Variants in ZSWIM5 observed in about 807,000 individuals in gnomAD.
The protein encoded by ZSWIM5 is zinc finger SWIM-type containing 5.
A neutral mutation model predicts 119.6 loss-of-function variants in ZSWIM5; 55 were observed. That is an observed-to-expected ratio of 0.46 (90% confidence interval 0.37 to 0.58). The LOEUF (loss-of-function observed/expected upper bound fraction) is 0.58. Among genes scored for constraint, ZSWIM5 ranks in the 20% least tolerant of loss-of-function variants. The pLI is 0.00. For missense variants in ZSWIM5, 1,193 were observed against 1,512.8 expected (o/e 0.79, Z 3.51); for synonymous variants, 537 against 606.9 (o/e 0.88, Z 1.69).
chr1:45,119,248 C>T (rs924279016), intron 1 of ZSWIM5, among the ~76,000 whole-genome samples: 1 of 152,082 alleles, frequency 6.6e-6, no homozygotes, highest in Non-Finnish European at 1.5e-5. Context: ...TCCTGCTTAC[C>T]TCACTCTAGT....
At position 45,019,057 on chromosome 1, in the gene ZSWIM5, C is replaced by G. The variant is rs1471466404; in HGVS notation, c.2955G>C (p.Gln985His). The change falls in exon 14 of 14, where the codon CAG becomes CAC. Residue 985 changes from glutamine (Q) to histidine (H), a missense_variant. By Grantham distance (24) the Gln-to-His change is conservative (BLOSUM62 0). Around this residue, in one of 2 missense-constraint regions of ZSWIM5, gnomAD observed 961 missense variants for 1,290.0 expected, o/e 0.74. Transcript: ENST00000359600. The surrounding 1 kb of genome is among the most constrained non-coding windows in gnomAD (Gnocchi z 5.0). ...CACCAGCAGCAGCATCAATGGCAAT[C>G]TGGTAGGCTGCCTCAAAGGCAATGT... ...KDHIAFEAAY[Q>H]IAIDAAAGGM... is the part of the protein sequence containing the mutation. The G allele has an allele frequency of 6.2e-7, 1 of 1,614,098 alleles. No individual in the cohort carries two copies. Among genetic ancestry groups the G allele is most frequent in the Non-Finnish European group, 8.5e-7 (1 of 1,180,052 alleles).
chr1:45,116,312 T>G (rs534197391), intron 1 of ZSWIM5, among the ~76,000 whole-genome samples: 9 of 152,252 alleles, frequency 5.9e-5, no homozygotes, highest in Non-Finnish European at 1.0e-4. Context: ...ATATAGGAGA[T>G]TTTAATCAGC....
intron 1 of ZSWIM5, among the ~76,000 whole-genome samples, chr1:45,135,298 T>C (rs1502340): frequency 0.072 from 11,016 of 152,184 alleles, 494 homozygotes; most frequent in Non-Finnish European, 0.1. Flanking sequence ...TAGTGTTTAA[T>C]GGGTATGGAG....
intron 5 of ZSWIM5, among the ~76,000 whole-genome samples, chr1:45,048,695 G>A (rs895923343): frequency 7.2e-5 from 11 of 152,122 alleles, no homozygotes; most frequent in African/African-American, 2.4e-4. Flanking sequence ...GTAATGTCAA[G>A]GTTTAGGGTA....
intron 1 of ZSWIM5, among the ~76,000 whole-genome samples, chr1:45,115,923 G>A (rs1169902892): frequency 6.6e-6 from 1 of 152,228 alleles, no homozygotes. Context: ...GGAGGTTGTA[G>A]CGAGCCGAGA....
At chr1:45,114,520 G>T (rs987772841) in intron 1 of ZSWIM5, among the ~76,000 whole-genome samples, 2 of 152,006 alleles carry the variant, frequency 1.3e-5, no homozygotes, top group African/African-American at 4.8e-5. Flanking sequence ...GGGTAAATTC[G>T]CTATTTTAGT....
At chr1:45,115,850 T>C (rs1179069098) in intron 1 of ZSWIM5, among the ~76,000 whole-genome samples, 1 of 151,002 alleles carries the variant, frequency 6.6e-6, no homozygotes, top group African/African-American at 2.4e-5. Context: ...CCAGACGGGG[T>C]GGCGGCCGGG....
intron 1 of ZSWIM5, among the ~76,000 whole-genome samples, chr1:45,152,608 G>C (rs1645804018): frequency 6.6e-6 from 1 of 151,896 alleles, no homozygotes; most frequent in Admixed American, 6.6e-5. Flanking sequence ...AACTCAAGAT[G>C]GATTAAAGAT....
At chr1:45,027,443 G>A (rs1018156158) in intron 11 of ZSWIM5, among the ~76,000 whole-genome samples, 3 of 151,904 alleles carry the variant, frequency 2.0e-5, no homozygotes, top group Admixed American at 6.6e-5. Flanking sequence ...TGTCGCCTAA[G>A]CTGGAGTGCA....
intron 4 of ZSWIM5, among the ~76,000 whole-genome samples, chr1:45,053,577 C>A (rs1645102840): frequency 6.6e-6 from 1 of 151,874 alleles, no homozygotes; most frequent in Non-Finnish European, 1.5e-5. Flanking sequence ...GCCTGGCCAA[C>A]ATGGTGAAAC....
chr1:45,123,289 T>C (rs1037352275), intron 1 of ZSWIM5, among the ~76,000 whole-genome samples: 2 of 151,708 alleles, frequency 1.3e-5, no homozygotes, highest in African/African-American at 4.8e-5. Context: ...AACACCAAAG[T>C]GACAGGGATA....
At chr1:45,074,159 A>G (rs1645242139) in intron 2 of ZSWIM5, among the ~76,000 whole-genome samples, 1 of 151,916 alleles carries the variant, frequency 6.6e-6, no homozygotes. Flanking sequence ...GATTTTTTGC[A>G]TGAATATTCA....
Position 45,206,529 on chromosome 1 carries a change from C to G in ZSWIM5, c.-179G>C. On this transcript the variant is annotated 5_prime_UTR_variant, in exon 1 of 14. Coordinates refer to ENST00000359600, the MANE Select transcript of ZSWIM5 (RefSeq NM_020883.2). The stretch of plus-strand genomic sequence containing the variant: ...ACCGCGGCCGGGCCCGGGAGCGCGC[C>G]GCGAGGGCAGACGCGGGCGGCCTGC... 9.6e-7 allele frequency: 1 copy of G among 1,040,452 alleles called. No homozygotes were observed. Among genetic ancestry groups the G allele is most frequent in the East Asian group, 8.4e-5 (1 of 11,872 alleles). The allele number at this position is 1,040,452 out of a possible 1,614,324, so 64.5% of individuals were successfully genotyped here.
intron 1 of ZSWIM5, among the ~76,000 whole-genome samples, chr1:45,099,477 G>A (rs1162925590): frequency 6.6e-6 from 1 of 152,180 alleles, no homozygotes; most frequent in African/African-American, 2.4e-5. Context: ...GGTACAAAGA[G>A]GAGCTGGTAC....
intron 5 of ZSWIM5, 89 bp from the exon 6 acceptor site, chr1:45,043,484 A>T (rs1266832208): frequency 1.6e-6 from 2 of 1,289,574 alleles, no homozygotes; most frequent in Non-Finnish European, 2.2e-6. Context: ...GGTTGGCTGA[A>T]TAATAGTATT....
At position 45,036,043 on chromosome 1, in the gene ZSWIM5, C is replaced by T. The variant is rs758643863; in HGVS notation, c.2151G>A (p.Leu717=). 1.2e-6 allele frequency: 2 copies of T among 1,613,340 alleles called. No individual in the cohort carries two copies. The highest frequency in any genetic ancestry group is 8.5e-7 in the Non-Finnish European group (1 of 1,179,394). ...QTLQKQCILL[L]EGGPFSGLGE... is the part of the protein sequence containing the mutation. The stretch of plus-strand genomic sequence containing the variant: ...AAGAGACTCTTTTCTACTTACCTTC[C>T]AGCAGTAAGATGCATTGTTTTTGCA... Residue 717 remains leucine, a synonymous_variant, in exon 9 of 14, where the codon CTG becomes CTA. Coordinates refer to ENST00000359600, the MANE Select transcript of ZSWIM5 (RefSeq NM_020883.2).
rs767673983 is a variant in ZSWIM5, at chr1:45,196,384, C to CTTTTTTT, written c.595+9365_595+9371dup. On this transcript the variant is annotated intron_variant, in intron 1 of 13. Transcript: ENST00000359600. ...AAACCAAGATTGAAGCCCACAATTC[C>CTTTTTTT]TTTTTTTTTTTTTTTTTTTTTTTGA... Among the ~76,000 whole-genome samples the CTTTTTTT allele has an allele frequency of 3.8e-4, 29 of 76,380 alleles. 3 individuals are homozygous for CTTTTTTT. The highest frequency in any genetic ancestry group is 5.7e-4 in the Non-Finnish European group (23 of 40,208). 50.1% of individuals were successfully genotyped at this position (76,380 alleles called of 152,430 possible).
chr1:45,168,355 T>C (rs188456553), intron 1 of ZSWIM5, among the ~76,000 whole-genome samples: 72 of 151,990 alleles, frequency 4.7e-4, no homozygotes, highest in Non-Finnish European at 7.9e-4. Context: ...GCGGGAGGGA[T>C]AACATTAGGA....
intron 2 of ZSWIM5, among the ~76,000 whole-genome samples, chr1:45,075,643 AT>A (rs139021300): frequency 0.046 from 7,028 of 151,256 alleles, 220 homozygotes; most frequent in East Asian, 0.11. Context: ...ACTGGGTCTA[AT>A]TTTTTTTTAA....
Sources: allele counts gnomAD v4.1 joint callset (sites outside exome capture counted in the v4.1 genomes callset), GRCh38; gene constraint gnomAD v4.1.1; regional missense constraint gnomAD v4.1.1; non-coding constraint Gnocchi (gnomAD v3.1); transcripts MANE v1.5; gene names NCBI Gene and HGNC (gene_info 2026-07-23, HGNC 2026-07-21).